Variants in GPR180 observed in about 807,000 individuals in gnomAD.
GPR180 encodes the protein G protein-coupled receptor 180, also known as integral membrane protein GPR180.
A neutral mutation model predicts 52.6 loss-of-function variants in GPR180; 53 were observed. That is an observed-to-expected ratio of 1.01 (90% confidence interval 0.81 to 1.27). GPR180 has a LOEUF of 1.27. GPR180 is among the 50% of genes most tolerant of loss of function. The probability of loss-of-function intolerance (pLI) is 0.00; values close to 1 mark genes in which losing one functional copy is unlikely to be tolerated. For missense variants in GPR180, 533 were observed against 527.0 expected (o/e 1.01, Z -0.11); for synonymous variants, 200 against 193.1 (o/e 1.04, Z -0.30).
chr13:94,604,597 A>T (rs1889606152), intron 1 of GPR180, among the ~76,000 whole-genome samples: 1 of 152,086 alleles, frequency 6.6e-6, no homozygotes, highest in African/African-American at 2.4e-5. Context: ...CTCAAAAAAA[A>T]AAGAGTTTTG....
rs1451921802 is a variant in GPR180 at position 94,628,768 on chromosome 13, CTGAG to C, written c.*1600_*1603del. 1.1e-4 allele frequency: 16 copies of C among 152,056 alleles called. No homozygotes were observed. The highest frequency in any genetic ancestry group is 3.4e-4 in the African/African-American group (14 of 41,438). The allele number at this position is 152,056 out of a possible 1,614,324, so 9.4% of individuals were successfully genotyped here. A position where few individuals can be genotyped will look rare whatever the true frequency, so the allele number is the denominator to read the frequency against. The stretch of plus-strand genomic sequence containing the variant: ...TTATGTTTTAGGTATACATGATCGT[CTGAG>C]TGGTCATAACCTTTTCTTTTATCAT... On this transcript the variant is annotated 3_prime_UTR_variant, in exon 9 of 9. Coordinates refer to ENST00000376958, the MANE Select transcript of GPR180 (RefSeq NM_180989.6).
chr13:94,617,089 T>C (rs933285400), intron 3 of GPR180, among the ~76,000 whole-genome samples: 34 of 152,214 alleles, frequency 2.2e-4, no homozygotes, highest in African/African-American at 8.2e-4. Context: ...TGGTGACATA[T>C]ATCTTATTTT....
intron 2 of GPR180, among the ~76,000 whole-genome samples, chr13:94,606,084 G>A (rs1335447186): frequency 6.6e-6 from 1 of 152,196 alleles, no homozygotes; most frequent in African/African-American, 2.4e-5. Flanking sequence ...CTGAGGTTGG[G>A]AGTTTGAGAC....
At chr13:94,607,740 G>A (rs1049272937) in intron 2 of GPR180, among the ~76,000 whole-genome samples, 1 of 152,174 alleles carries the variant, frequency 6.6e-6, no homozygotes, top group Non-Finnish European at 1.5e-5. Context: ...CCTTAAGGCT[G>A]GTGGAGGTGA....
chr13:94,621,707 G>A (rs1889854035), intron 6 of GPR180, among the ~76,000 whole-genome samples: 1 of 151,994 alleles, frequency 6.6e-6, no homozygotes, highest in Non-Finnish European at 1.5e-5. Context: ...TTAATTAAAG[G>A]GCAAAATATA....
chr13:94,626,985 A>G (rs1207702448), intron 8 of GPR180, 28 bp from the exon 9 acceptor site: 1 of 1,533,358 alleles, frequency 6.5e-7, no homozygotes. Flanking sequence ...TGCATGTAGT[A>G]AAAGCATTCC....
At position 94,634,410 on chromosome 13, in the gene GPR180, A is replaced by C. The variant is rs527647113; in HGVS notation, c.*7239A>C. On this transcript the variant is annotated 3_prime_UTR_variant, in exon 9 of 9. Transcript: ENST00000376958. ...TATACATATATAGTACATATTATAT[A>C]TACTTATATATTAAGTAATCAGAAG... 1 of 152,040 alleles carries C rather than the reference A, an allele frequency of 6.6e-6. No homozygotes were observed. The highest frequency in any genetic ancestry group is 6.6e-5 in the Admixed American group (1 of 15,254). The allele number at this position is 152,040 out of a possible 1,614,324, so 9.4% of individuals were successfully genotyped here.
intron 3 of GPR180, among the ~76,000 whole-genome samples, chr13:94,615,220 G>A (rs1889762101): frequency 6.6e-6 from 1 of 152,212 alleles, no homozygotes; most frequent in Admixed American, 6.5e-5. Flanking sequence ...ACAGCCTTAA[G>A]AGGGATTCTT....
chr13:94,617,750 T>C (rs1693489259), intron 3 of GPR180, among the ~76,000 whole-genome samples: 1 of 152,180 alleles, frequency 6.6e-6, no homozygotes, highest in African/African-American at 2.4e-5. Flanking sequence ...TTTACCCGAA[T>C]GGGAAACTAG....
chr13:94,606,736 C>T (rs577325554), intron 2 of GPR180, among the ~76,000 whole-genome samples: 2 of 152,324 alleles, frequency 1.3e-5, no homozygotes, highest in South Asian at 2.1e-4. Flanking sequence ...AGGCAACTAG[C>T]TAGATCAGTG....
rs1889972730 is a variant in GPR180, at chr13:94,629,889, A to C, written c.*2718A>C. 1 of 152,208 alleles carries C rather than the reference A, an allele frequency of 6.6e-6. No homozygotes were observed. Among genetic ancestry groups the C allele is most frequent in the African/African-American group, 2.4e-5 (1 of 41,448 alleles). 9.4% of individuals were successfully genotyped at this position (152,208 alleles called of 1,614,324 possible). A position where few individuals can be genotyped will look rare whatever the true frequency, so the allele number is the denominator to read the frequency against. ...CTGAGATCATCTCTAAAATAATGAG[A>C]CTAGAACCTATCTATCAACATGAAC... On this transcript the variant is annotated 3_prime_UTR_variant, in exon 9 of 9. Transcript: ENST00000376958.
chr13:94,603,132 T>C (rs1889581723), intron 1 of GPR180, among the ~76,000 whole-genome samples: 1 of 151,926 alleles, frequency 6.6e-6, no homozygotes, highest in Non-Finnish European at 1.5e-5. Context: ...GGAGTTTCAG[T>C]AACCCAGTTT....
At chr13:94,618,420 A>ATTTTTTTTTTTGTTTTTTTTTTTTTTT (rs1889806512) in intron 3 of GPR180, among the ~76,000 whole-genome samples, 1 of 87,156 alleles carries the variant, frequency 1.1e-5, no homozygotes, top group Non-Finnish European at 2.1e-5. Flanking sequence ...TCAGCACAGG[A>ATTTTTTTTTTTGTTTTTTTTTTTTTTT]TTTTTTTTTT....
chr13:94,606,848 C>T (rs1014007303), intron 2 of GPR180, among the ~76,000 whole-genome samples: 4 of 152,210 alleles, frequency 2.6e-5, no homozygotes, highest in African/African-American at 9.6e-5. Flanking sequence ...AGATGAATGA[C>T]AATTACATAC....
intron 8 of GPR180, among the ~76,000 whole-genome samples, 184 bp downstream of exon 8, chr13:94,626,227 A>G (rs759722408): frequency 6.6e-5 from 10 of 152,202 alleles, no homozygotes; most frequent in East Asian, 1.9e-4. Flanking sequence ...TAAAATATTT[A>G]TAAGCAAAAT....
rs1365504879 is a variant in GPR180 at position 94,621,170 on chromosome 13, A to C, written c.829A>C (p.Arg277=). ...TIVRMKKSQS[R]PLQWDSTPAS... ...AGTCAGAATGAAGAAGTCTCAAAGC[A>C]GACCTCTCCAGTGGGATTCTACGCC... Residue 277 remains arginine, a synonymous_variant, in exon 6 of 9, where the codon AGA becomes CGA. Coordinates refer to ENST00000376958, the MANE Select transcript of GPR180 (RefSeq NM_180989.6). 6.2e-7 allele frequency: 1 copy of C among 1,612,380 alleles called. No homozygotes were observed. The highest frequency in any genetic ancestry group is 1.1e-5 in the South Asian group (1 of 90,674).
intron 2 of GPR180, among the ~76,000 whole-genome samples, chr13:94,608,199 C>T (rs996099345): frequency 6.6e-6 from 1 of 152,172 alleles, no homozygotes; most frequent in South Asian, 2.1e-4. Context: ...TGATTTATAA[C>T]AAGAACTCGT....
Position 94,627,724 on chromosome 13 carries a change from A to G in GPR180, c.*553A>G, listed in dbSNP as rs1286525541. ...CAGTTAAATGAATAAGCTTTTGTTTATTTGTGGGTGGAGTTATTCTCCAAT... is the reference window on the plus strand; with the variant it reads ...CAGTTAAATGAATAAGCTTTTGTTTGTTTGTGGGTGGAGTTATTCTCCAAT... On this transcript the variant is annotated 3_prime_UTR_variant, in exon 9 of 9. Transcript: ENST00000376958. The G allele has an allele frequency of 6.6e-6, 1 of 152,118 alleles. No homozygotes were observed. Among genetic ancestry groups the G allele is most frequent in the Non-Finnish European group, 1.5e-5 (1 of 67,942 alleles). 9.4% of individuals were successfully genotyped at this position (152,118 alleles called of 1,614,324 possible). A position where few individuals can be genotyped will look rare whatever the true frequency, so the allele number is the denominator to read the frequency against.
Position 94,634,291 on chromosome 13 carries a change from T to C in GPR180, c.*7120T>C, listed in dbSNP as rs887906018. 3.9e-5 allele frequency: 6 copies of C among 152,158 alleles called. No individual in the cohort carries two copies. The highest frequency in any genetic ancestry group is 8.8e-5 in the Non-Finnish European group (6 of 68,020). The allele number at this position is 152,158 out of a possible 1,614,324, so 9.4% of individuals were successfully genotyped here. ...CAGGTGGTAGCATGACATTGACTCC[T>C]CAGCCAAGCATATTATCAACTGTCG... On this transcript the variant is annotated 3_prime_UTR_variant, in exon 9 of 9. Coordinates refer to ENST00000376958, the MANE Select transcript of GPR180 (RefSeq NM_180989.6).
Sources: gnomAD v4.1 joint callset for allele counts (sites outside exome capture counted in the v4.1 genomes callset) on GRCh38, gnomAD v4.1.1 for gene constraint, MANE v1.5 for transcripts, NCBI Gene and HGNC (gene_info 2026-07-23, HGNC 2026-07-21) for gene names.